The following CEP164 variants were observed in gnomAD, a reference collection of about 807,000 sequenced individuals.
CEP164 encodes centrosomal protein 164.
In CEP164, 162 loss-of-function variants were observed where a neutral mutation model predicts 182.7. That is an observed-to-expected ratio of 0.89 (90% confidence interval 0.78 to 1.01). The LOEUF (loss-of-function observed/expected upper bound fraction) is 1.01. CEP164 is among the 50% of genes least tolerant of loss of function. The pLI, the probability that CEP164 is intolerant of heterozygous loss-of-function variation, is 0.00. For missense variants in CEP164, 1,735 were observed against 1,790.4 expected (o/e 0.97, Z 0.56); for synonymous variants, 661 against 690.0 (o/e 0.96, Z 0.66).
chr11:117,355,118 C>T, intron 5 of CEP164: 1 of 1,289,850 alleles, frequency 7.8e-7, no homozygotes, highest in South Asian at 1.2e-5. Context: ...CATGGGTGCC[C>T]TTCCCAGAAA....
In CEP164 at chr11:117,360,936, C is replaced by CTT. The variant is rs1247919224; in HGVS notation, c.394-884_394-883dup. 1.7e-3 allele frequency among the ~76,000 whole-genome samples: 219 copies of CTT among 130,910 alleles called. 3 individuals are homozygous for CTT. Among genetic ancestry groups the CTT allele is most frequent in the Admixed American group, 3.4e-3 (43 of 12,676 alleles). The allele number at this position is 130,910 out of a possible 152,430, so 85.9% of individuals were successfully genotyped here. ...CCCCTCCCGCATCCTTCTTATATGG[C>CTT]TTTTTTTTTTTTTTTTGAGACAGAG... On this transcript the variant is annotated intron_variant, in intron 5 of 32. Transcript: ENST00000278935.
chr11:117,396,498 A>G, intron 25 of CEP164, 52 bp from the exon 26 acceptor site: 2 of 1,465,898 alleles, frequency 1.4e-6, no homozygotes, highest in Admixed American at 3.3e-5. Flanking sequence ...TTGAACCTGC[A>G]GGGTGTCTGC....
At chr11:117,337,104 G>A (rs1458641930) in intron 2 of CEP164, among the ~76,000 whole-genome samples, 4 of 152,082 alleles carry the variant, frequency 2.6e-5, no homozygotes, top group Non-Finnish European at 4.4e-5. Flanking sequence ...TTGGGCTGCC[G>A]TAACACAATA....
At chr11:117,364,667 C>T (rs1025006109) in intron 8 of CEP164, among the ~76,000 whole-genome samples, 10 of 151,826 alleles carry the variant, frequency 6.6e-5, no homozygotes, top group African/African-American at 1.7e-4. Context: ...CCACCACACC[C>T]GGCTATTTTT....
In CEP164 at chr11:117,371,380, G is replaced by A. The variant is rs2135917627; in HGVS notation, c.1066G>A (p.Glu356Lys). ...ACCAGAGGACACAGTAGATGCAGGAGAGGAGGGTTCCAGGAGGGAAGAGGC... is the reference window on the plus strand; with the variant it reads ...ACCAGAGGACACAGTAGATGCAGGAAAGGAGGGTTCCAGGAGGGAAGAGGC... The part of the protein sequence containing the change: ...EAPEDTVDAG[E>K]EGSRREEAAK... Residue 356 changes from glutamate to lysine, a missense_variant, in exon 9 of 33, where the codon GAG becomes AAG. Transcript: ENST00000278935. The A allele has an allele frequency of 1.2e-6, 2 of 1,614,230 alleles. No homozygotes were observed. Among genetic ancestry groups the A allele is most frequent in the East Asian group, 4.5e-5 (2 of 44,888 alleles).
chr11:117,365,224 A>G (rs1279452704), intron 8 of CEP164, among the ~76,000 whole-genome samples: 1 of 152,152 alleles, frequency 6.6e-6, no homozygotes, highest in African/African-American at 2.4e-5. Context: ...ATTCTGCCCT[A>G]TTCATTTCTG....
chr11:117,322,191 C>T (rs1250695632), intron 1 of CEP164, among the ~76,000 whole-genome samples: 1 of 152,178 alleles, frequency 6.6e-6, no homozygotes, highest in Non-Finnish European at 1.5e-5. Flanking sequence ...TCTTGGCTCA[C>T]TACAACCTCC....
intron 26 of CEP164, 69 bp from the exon 27 acceptor site, chr11:117,397,022 A>G: frequency 7.2e-7 from 1 of 1,398,234 alleles, no homozygotes. Context: ...CTGCTGGGGA[A>G]GGGGCTGTGT....
chr11:117,323,866 G>C, upstream of CEP164: 1 of 414,862 alleles, frequency 2.4e-6, no homozygotes, highest in South Asian at 1.7e-5. Context: ...ATTTTTTCAC[G>C]TACCTGTTGG....
chr11:117,397,695 C>T (rs1468168871), intron 27 of CEP164, among the ~76,000 whole-genome samples: 1 of 152,070 alleles, frequency 6.6e-6, no homozygotes, highest in African/African-American at 2.4e-5. Flanking sequence ...AAAGCAGAAA[C>T]CCATCATAAA....
chr11:117,395,968 G>A (rs533723911), intron 24 of CEP164, 86 bp from the exon 25 acceptor site: 40 of 1,559,798 alleles, frequency 2.6e-5, no homozygotes, highest in Middle Eastern at 1.9e-4. Flanking sequence ...ATGGGAGTGA[G>A]GGGGTGGAGA....
At chr11:117,381,576 G>T in intron 12 of CEP164, 125 bp from the exon 13 acceptor site, 1 of 1,135,906 alleles carries the variant, frequency 8.8e-7, no homozygotes, top group Non-Finnish European at 1.2e-6. Flanking sequence ...GATGGATGTG[G>T]GGGTGGGGCT....
intron 1 of CEP164, among the ~76,000 whole-genome samples, chr11:117,328,709 G>A (rs1162476869): frequency 6.6e-6 from 1 of 152,096 alleles, no homozygotes; most frequent in Non-Finnish European, 1.5e-5. Flanking sequence ...TCAATGAAGG[G>A]CTTCACCATT....
At chr11:117,324,082 C>A (rs1395422366), upstream of CEP164, 1 of 214,006 alleles carries the variant, frequency 4.7e-6, no homozygotes. Flanking sequence ...TTCATCCTTA[C>A]TGTAGAAGAC....
intron 10 of CEP164, among the ~76,000 whole-genome samples, chr11:117,375,195 G>A (rs1056324263): frequency 2.6e-5 from 4 of 152,220 alleles, no homozygotes; most frequent in East Asian, 1.9e-4. Flanking sequence ...TGGGCACCAC[G>A]GAGAGGGAGA....
chr11:117,362,507 A>G lies in CEP164; in HGVS notation c.656A>G (p.Asn219Ser). The G allele has an allele frequency of 6.2e-7, 1 of 1,613,638 alleles. No individual in the cohort carries two copies. The highest frequency in any genetic ancestry group is 8.5e-7 in the Non-Finnish European group (1 of 1,179,954). ...CTCTTGGGTTTAGGAGAAGAAACCA[A>G]TGAGGAGGATGAGGAGGAAAGTGAC... ...LSLLGLGEET[N>S]EEDEEESDNQ... Residue 219 changes from asparagine to serine, a missense_variant, in exon 7 of 33, where the codon AAT becomes AGT. By Grantham distance (46) the Asn-to-Ser change is conservative. Transcript: ENST00000278935.
At chr11:117,345,663 C>T (rs181632850) in intron 4 of CEP164, among the ~76,000 whole-genome samples, 1 of 152,078 alleles carries the variant, frequency 6.6e-6, no homozygotes, top group East Asian at 1.9e-4. Context: ...CTAGCTTTTC[C>T]TCATGTGGCA....
intron 5 of CEP164, chr11:117,355,474 C>T: frequency 1.6e-6 from 2 of 1,289,726 alleles, no homozygotes; most frequent in Non-Finnish European, 2.0e-6. Context: ...GGGAGCAGCA[C>T]AGCCACAGCT....
intron 27 of CEP164, among the ~76,000 whole-genome samples, chr11:117,397,546 G>T (rs2045639214): frequency 6.6e-6 from 1 of 152,228 alleles, no homozygotes; most frequent in African/African-American, 2.4e-5. Flanking sequence ...TCATGCTGCT[G>T]ATAAAGACAT....
Sources: allele counts gnomAD v4.1 joint callset (sites outside exome capture counted in the v4.1 genomes callset), GRCh38; gene constraint gnomAD v4.1.1; transcripts MANE v1.5; gene names NCBI Gene and HGNC (gene_info 2026-07-23, HGNC 2026-07-21).